Variants in KCNQ1 observed in about 807,000 individuals in gnomAD.
The protein encoded by KCNQ1 is potassium voltage-gated channel subfamily Q member 1.
A neutral mutation model predicts 72.4 loss-of-function variants in KCNQ1; 49 were observed. That is an observed-to-expected ratio of 0.68 (90% CI 0.54 to 0.86). The LOEUF (loss-of-function observed/expected upper bound fraction) is 0.86. Among genes scored for constraint, KCNQ1 ranks in the 40% least tolerant of loss-of-function variants. The pLI is 0.00. For synonymous variants in KCNQ1, 450 were observed against 412.6 expected (o/e 1.09, Z -1.10); for missense variants, 790 against 945.1 (o/e 0.84, Z 2.15).
In KCNQ1 at chr11:2,674,751, G is replaced by T. The variant is rs1186370175; in HGVS notation, c.1514+12670G>T. The T allele has an allele frequency of 2.6e-6, 1 of 385,942 alleles. No homozygotes were observed. The highest frequency in any genetic ancestry group is 2.2e-5 in the African/African-American group (1 of 45,536). 23.9% of individuals were successfully genotyped at this position (385,942 alleles called of 1,614,324 possible). ...ACTCGTTAAAGTTGCTCCAATCCCAGCCCAGTGCCAGACCAGCTTCCTGGA... is the reference window on the plus strand; with the variant it reads ...ACTCGTTAAAGTTGCTCCAATCCCATCCCAGTGCCAGACCAGCTTCCTGGA... On this transcript the variant is annotated intron_variant, in intron 11 of 15. Transcript: ENST00000155840. This position sits in a 1 kb window ranked among gnomAD's most constrained non-coding sequence, Gnocchi z 5.9.
In KCNQ1 at chr11:2,562,348, G is replaced by A. The variant is rs1200398154; in HGVS notation, c.478-8280G>A. Among the ~76,000 whole-genome samples the A allele has an allele frequency of 1.3e-5, 2 of 152,176 alleles. No homozygotes were observed. The highest frequency in any genetic ancestry group is 2.9e-5 in the Non-Finnish European group (2 of 68,016). ...ACAGGCAGGCCCTGGGACAAAGGGC[G>A]CTTTGAGCTGCCTGAGTGCCTGCAT... On this transcript the variant is annotated intron_variant, in intron 2 of 15. Transcript: ENST00000155840. This position sits in a 1 kb window ranked among gnomAD's most constrained non-coding sequence, Gnocchi z 7.5.
In KCNQ1 at chr11:2,484,668, T is replaced by C. The variant is rs1846706881; in HGVS notation, c.386+39184T>C. Among the ~76,000 whole-genome samples the C allele has an allele frequency of 6.6e-6, 1 of 152,266 alleles. No individual in the cohort carries two copies. Among genetic ancestry groups the C allele is most frequent in the African/African-American group, 2.4e-5 (1 of 41,554 alleles). On this transcript the variant is annotated intron_variant, in intron 1 of 15. Transcript: ENST00000155840. The surrounding 1 kb of genome is among the most constrained non-coding windows in gnomAD (Gnocchi z 5.2). ...CTCCAAGGAGCCAGGGTTCCTTCCA[T>C]TGGAGAGTGGTCTTTAGAAACCCAG...
In KCNQ1 at chr11:2,491,765, C is replaced by T. The variant is rs1441318049; in HGVS notation, c.387-36163C>T. Among the ~76,000 whole-genome samples, 1 of 151,820 alleles carries T rather than the reference C, an allele frequency of 6.6e-6. No individual in the cohort carries two copies. Among genetic ancestry groups the T allele is most frequent in the Non-Finnish European group, 1.5e-5 (1 of 67,970 alleles). ...AGATTTAACCCAAAGAAGACTACCTCAAGGTATTTAATAGTCAAAGTTCCA... is the reference window on the plus strand; with the variant it reads ...AGATTTAACCCAAAGAAGACTACCTTAAGGTATTTAATAGTCAAAGTTCCA... On this transcript the variant is annotated intron_variant, in intron 1 of 15. Transcript: ENST00000155840. The surrounding 1 kb of genome is among the most constrained non-coding windows in gnomAD (Gnocchi z 4.1).
At chr11:2,629,000 A>G (rs77769573) in intron 10 of KCNQ1, 5,079 of 398,268 alleles carry the variant, frequency 0.013, 153 homozygotes, top group East Asian at 0.079. Flanking sequence ...TAACTTTGAA[A>G]TATAATTCAA....
Position 2,762,257 on chromosome 11 carries a change from A to G in KCNQ1, c.1515-6587A>G, listed in dbSNP as rs1846410601. Among the ~76,000 whole-genome samples the G allele has an allele frequency of 6.6e-6, 1 of 152,014 alleles. No homozygotes were observed. Among genetic ancestry groups the G allele is most frequent in the Non-Finnish European group, 1.5e-5 (1 of 67,982 alleles). Reference sequence around the variant, plus strand: ...CAAATAGTTTTCTGTTACAGTTCATACTGTTTGCGTTCCTTTAAAGACGTC... The same window carrying G: ...CAAATAGTTTTCTGTTACAGTTCATGCTGTTTGCGTTCCTTTAAAGACGTC... On this transcript the variant is annotated intron_variant, in intron 11 of 15. Coordinates refer to ENST00000155840, the MANE Select transcript of KCNQ1 (RefSeq NM_000218.3). The surrounding 1 kb of genome is among the most constrained non-coding windows in gnomAD (Gnocchi z 4.3).
At position 2,690,782 on chromosome 11, in the gene KCNQ1, A is replaced by G. The variant is rs1850575367; in HGVS notation, c.1514+28701A>G. On this transcript the variant is annotated intron_variant, in intron 11 of 15. Coordinates refer to ENST00000155840, the MANE Select transcript of KCNQ1 (RefSeq NM_000218.3). This position sits in a 1 kb window ranked among gnomAD's most constrained non-coding sequence, Gnocchi z 5.1. Reference sequence around the variant, plus strand: ...GGTGGATGTGGCCTGGCAGGGGGTCAGCAGGAGGGAGGTCCCTGTCTCCTT... The same window carrying G: ...GGTGGATGTGGCCTGGCAGGGGGTCGGCAGGAGGGAGGTCCCTGTCTCCTT... The G allele has an allele frequency of 1.0e-5, 4 of 398,676 alleles. No individual in the cohort carries two copies. The highest frequency in any genetic ancestry group is 1.8e-5 in the Non-Finnish European group (4 of 226,096). The allele number at this position is 398,676 out of a possible 1,614,324, so 24.7% of individuals were successfully genotyped here.
intron 15 of KCNQ1, among the ~76,000 whole-genome samples, chr11:2,846,328 T>G (rs1848328548): frequency 6.6e-6 from 1 of 152,190 alleles, no homozygotes; most frequent in South Asian, 2.1e-4. Context: ...TGTTCAGCCC[T>G]TATCGCGTGC....
In KCNQ1 at chr11:2,824,708, G is replaced by A. The variant is rs1006922530; in HGVS notation, c.1795-23059G>A. The stretch of plus-strand genomic sequence containing the variant: ...AGTACAGGAAGCAGCTGGGGGTGGC[G>A]GGAAGAAGACAGTCAGGAGCTTGGG... On this transcript the variant is annotated intron_variant, in intron 15 of 15. Coordinates refer to ENST00000155840, the MANE Select transcript of KCNQ1 (RefSeq NM_000218.3). This position sits in a 1 kb window ranked among gnomAD's most constrained non-coding sequence, Gnocchi z 5.9. Among the ~76,000 whole-genome samples, 6 of 152,118 alleles carry A rather than the reference G, an allele frequency of 3.9e-5. No homozygotes were observed. The highest frequency in any genetic ancestry group is 1.4e-4 in the African/African-American group (6 of 41,420).
At chr11:2,774,223 T>G (rs1485644258) in intron 12 of KCNQ1, among the ~76,000 whole-genome samples, 2 of 152,194 alleles carry the variant, frequency 1.3e-5, no homozygotes, top group African/African-American at 4.8e-5. Flanking sequence ...CTGAGGATGT[T>G]ATTACTAGCC....
chr11:2,510,432 C>T (rs957469246), intron 1 of KCNQ1, among the ~76,000 whole-genome samples: 1 of 152,026 alleles, frequency 6.6e-6, no homozygotes, highest in African/African-American at 2.4e-5. Flanking sequence ...CATGGTGAAA[C>T]CCCGTCTCTA....
At chr11:2,707,632 C>A (rs374985578) in intron 11 of KCNQ1, among the ~76,000 whole-genome samples, 2 of 152,178 alleles carry the variant, frequency 1.3e-5, no homozygotes, top group South Asian at 4.1e-4. Flanking sequence ...GTTTATCTCC[C>A]AATTAGTCCT....
intron 11 of KCNQ1, chr11:2,675,114 G>A (rs1850269458): frequency 5.0e-6 from 2 of 398,496 alleles, no homozygotes; most frequent in Non-Finnish European, 8.8e-6. Context: ...CCTGAAGGTG[G>A]GTTCACTAGC....
At chr11:2,845,461 C>G (rs191415269) in intron 15 of KCNQ1, among the ~76,000 whole-genome samples, 171 of 152,324 alleles carry the variant, frequency 1.1e-3, no homozygotes, top group African/African-American at 4.0e-3. Context: ...GCTGGCGGGT[C>G]CTTGGGTGTG....
chr11:2,716,981 T>C (rs866158289), intron 11 of KCNQ1, among the ~76,000 whole-genome samples: 3 of 152,322 alleles, frequency 2.0e-5, no homozygotes, highest in African/African-American at 7.2e-5. Context: ...CCTGTGGAGC[T>C]GTTCAGTGGG....
chr11:2,779,874 C>A (rs574981585), intron 15 of KCNQ1, among the ~76,000 whole-genome samples: 3 of 152,330 alleles, frequency 2.0e-5, no homozygotes, highest in Admixed American at 2.0e-4. Context: ...AAATTATGCA[C>A]CCAATTTCTT....
intron 10 of KCNQ1, chr11:2,646,007 A>C (rs1205978885): frequency 5.0e-6 from 2 of 398,502 alleles, no homozygotes; most frequent in African/African-American, 4.1e-5. Context: ...AATGTGGACC[A>C]CTAGGGGCTC....
intron 15 of KCNQ1, among the ~76,000 whole-genome samples, chr11:2,790,314 A>G (rs1198072498): frequency 6.6e-6 from 1 of 152,190 alleles, no homozygotes; most frequent in African/African-American, 2.4e-5. Context: ...ACTGCTCTGG[A>G]CAGCCCTGGC....
intron 15 of KCNQ1, among the ~76,000 whole-genome samples, chr11:2,804,446 C>T (rs574801634): frequency 2.8e-4 from 42 of 152,254 alleles, no homozygotes; most frequent in Middle Eastern, 3.4e-3. Context: ...GCTGTATTGA[C>T]GGTGCTGGGA....
chr11:2,518,389 G>A (rs983512746), intron 1 of KCNQ1, among the ~76,000 whole-genome samples: 1 of 152,240 alleles, frequency 6.6e-6, no homozygotes, highest in African/African-American at 2.4e-5. Context: ...AGACAGAGGC[G>A]GGGGGACCAG....
Sources: gnomAD v4.1 joint callset for allele counts (sites outside exome capture counted in the v4.1 genomes callset) on GRCh38, gnomAD v4.1.1 for gene constraint, Gnocchi (gnomAD v3.1) non-coding constraint, MANE v1.5 for transcripts, NCBI Gene and HGNC (gene_info 2026-07-23, HGNC 2026-07-21) for gene names.